Variants in CSNK2A2 observed in about 807,000 individuals in gnomAD.
CSNK2A2 encodes the protein casein kinase 2 alpha 2, also known as casein kinase II subunit alpha'.
A neutral mutation model predicts 54.0 loss-of-function variants in CSNK2A2; 8 were observed. That is an observed-to-expected ratio of 0.15 (90% CI 0.09 to 0.27). The LOEUF is 0.27. CSNK2A2 is among the 10% of genes least tolerant of loss of function. CSNK2A2 has a pLI of 1.00. For synonymous variants in CSNK2A2, 141 were observed against 153.9 expected, an observed-to-expected ratio of 0.92 and a Z score of 0.62; for missense variants, 242 against 439.4, an observed-to-expected ratio of 0.55 and a Z score of 4.02.
chr16:58,197,097 G>A lies in CSNK2A2; in HGVS notation c.105-253C>T. ...AGGCAACGCTCTGAGCCAATCCAGA[G>A]GGGCGAGCAAAGCACCCGTCCTGAA... is the stretch of plus-strand genomic sequence containing the variant. On this transcript the variant is annotated intron_variant, in intron 1 of 11. Coordinates refer to ENST00000262506, the MANE Select transcript of CSNK2A2 (RefSeq NM_001896.4). The surrounding 1 kb of genome is among the most constrained non-coding windows in gnomAD (Gnocchi z 4.0). 1 of 460,000 alleles carries A rather than the reference G, an allele frequency of 2.2e-6. No individual in the cohort carries two copies. Among genetic ancestry groups the A allele is most frequent in the Non-Finnish European group, 4.0e-6 (1 of 250,214 alleles). 28.5% of individuals were successfully genotyped at this position (460,000 alleles called of 1,614,324 possible).
At chr16:58,176,047 A>G (rs577487624) in intron 4 of CSNK2A2, among the ~76,000 whole-genome samples, 1 of 152,354 alleles carries the variant, frequency 6.6e-6, no homozygotes, top group East Asian at 1.9e-4. Flanking sequence ...GCACACTGAC[A>G]GCTTGAATGT....
chr16:58,196,872 G>T, intron 1 of CSNK2A2, 28 bp from the exon 2 acceptor site: 2 of 1,435,192 alleles, frequency 1.4e-6, no homozygotes, highest in Non-Finnish European at 2.0e-6. Flanking sequence ...ACACATAAAT[G>T]CCAGGACTGG....
chr16:58,178,765 C>A (rs1022814405), intron 4 of CSNK2A2, among the ~76,000 whole-genome samples: 3 of 152,100 alleles, frequency 2.0e-5, no homozygotes, highest in Non-Finnish European at 2.9e-5. Context: ...AATACCTCTA[C>A]CATAAAGTGA....
intron 4 of CSNK2A2, among the ~76,000 whole-genome samples, 182 bp downstream of exon 4, chr16:58,184,078 C>A (rs1288990644): frequency 6.6e-6 from 1 of 152,174 alleles, no homozygotes; most frequent in Admixed American, 6.5e-5. Context: ...TAAGTAATTT[C>A]ACCTAATGCA....
At chr16:58,159,924 A>G (rs943696600) in intron 11 of CSNK2A2, 3 of 152,246 alleles carry the variant, frequency 2.0e-5, no homozygotes, top group Non-Finnish European at 4.4e-5. Flanking sequence ...TTTTTAAAAA[A>G]CAATCCCCAA....
intron 2 of CSNK2A2, among the ~76,000 whole-genome samples, chr16:58,188,959 T>TG (rs947168405): frequency 2.0e-5 from 3 of 146,960 alleles, no homozygotes; most frequent in African/African-American, 7.5e-5. Context: ...AACTGGCTTT[T>TG]TTTTTTTTTT....
At position 58,184,268 on chromosome 16, in the gene CSNK2A2, C is replaced by G; in HGVS notation, c.361G>C (p.Asp121His). Residue 121 changes from aspartate (D) to histidine (H), a missense_variant, in exon 4 of 12, where the codon GAT becomes CAT. Around this residue, in one of 5 missense-constraint regions of CSNK2A2, gnomAD observed 69 missense variants for 97.0 expected, o/e 0.71. Transcript: ENST00000262506. ...AAGAAAAGCATACGCACCTTAAAAT[C>G]TGTATTATTGATATATTCAAATACC... ...ALVFEYINNTDFKQLYQILTD... is the reference protein window; with the variant it reads ...ALVFEYINNTHFKQLYQILTD... 3 of 1,602,716 alleles carry G rather than the reference C, an allele frequency of 1.9e-6. No homozygotes were observed. Among genetic ancestry groups the G allele is most frequent in the Non-Finnish European group, 1.7e-6 (2 of 1,172,662 alleles).
intron 4 of CSNK2A2, among the ~76,000 whole-genome samples, chr16:58,177,364 C>A (rs1413715270): frequency 6.6e-6 from 1 of 152,186 alleles, no homozygotes; most frequent in African/African-American, 2.4e-5. Context: ...GGCAGGAAGT[C>A]AGCTTTGGTT....
intron 4 of CSNK2A2, 41 bp downstream of exon 4, chr16:58,184,219 T>A: frequency 1.3e-6 from 2 of 1,511,372 alleles, no homozygotes; most frequent in Non-Finnish European, 1.8e-6. Flanking sequence ...CAGCTCCCCC[T>A]CACCCCGTTA....
intron 5 of CSNK2A2, 56 bp from the exon 6 acceptor site, chr16:58,168,749 G>A (rs539597583): frequency 1.2e-4 from 163 of 1,316,064 alleles, no homozygotes; most frequent in Admixed American, 4.0e-4. Flanking sequence ...ATCCCCCAAC[G>A]CAAGCATAGT....
At chr16:58,195,103 G>T (rs1179815863) in intron 2 of CSNK2A2, among the ~76,000 whole-genome samples, 1 of 151,438 alleles carries the variant, frequency 6.6e-6, no homozygotes, top group African/African-American at 2.4e-5. Flanking sequence ...TCTTAGATTT[G>T]AAGCAGCTTA....
In CSNK2A2 at chr16:58,188,955, C is replaced by CTT. The variant is rs57552824; in HGVS notation, c.217-2101_217-2100dup. On this transcript the variant is annotated intron_variant, in intron 2 of 11. Transcript: ENST00000262506. ...AAGTTAAAAGAAAAATAAAAACTGGCTTTTTTTTTTTTTTTTTTTGAGACG... is the reference window on the plus strand; with the variant it reads ...AAGTTAAAAGAAAAATAAAAACTGGCTTTTTTTTTTTTTTTTTTTTTGAGACG... Among the ~76,000 whole-genome samples the CTT allele has an allele frequency of 1.1e-3, 107 of 99,614 alleles. 2 individuals carry two copies. Among genetic ancestry groups the CTT allele is most frequent in the African/African-American group, 3.6e-3 (97 of 26,840 alleles). 65.4% of individuals were successfully genotyped at this position (99,614 alleles called of 152,430 possible).
chr16:58,175,619 A>C (rs1961857056), intron 4 of CSNK2A2, among the ~76,000 whole-genome samples: 1 of 152,254 alleles, frequency 6.6e-6, no homozygotes, highest in African/African-American at 2.4e-5. Flanking sequence ...ATACAGGGGA[A>C]TAAAAGAGAC....
At position 58,167,229 on chromosome 16, in the gene CSNK2A2, T is replaced by C. The variant is rs1158151383; in HGVS notation, c.704A>G (p.His235Arg). ...SMIFRREPFF[H>R]GQDNYDQLVR... The stretch of plus-strand genomic sequence containing the variant: ...CACCTGGTCATAGTTGTCCTGTCCA[T>C]GGAAGAATGGTTCCCTTCGAAAGAT... Residue 235 changes from histidine (H) to arginine (R), a missense_variant, in exon 8 of 12, where the codon CAT becomes CGT. Transcript: ENST00000262506. 1 of 1,613,546 alleles carries C rather than the reference T, an allele frequency of 6.2e-7. No homozygotes were observed. The highest frequency in any genetic ancestry group is 1.3e-5 in the African/African-American group (1 of 75,038).
rs969553226 is a variant in CSNK2A2 at position 58,197,433 on chromosome 16, A to T, written c.104+200T>A. ...TTCCTTGGGGGAAAGGGGTGCGCAA[A>T]GCGGGGAGAAAGGGACGAAACGGGG... On this transcript the variant is annotated intron_variant, in intron 1 of 11. Transcript: ENST00000262506. The surrounding 1 kb of genome is among the most constrained non-coding windows in gnomAD (Gnocchi z 4.0). 6.6e-6 allele frequency among the ~76,000 whole-genome samples: 1 copy of T among 152,196 alleles called. No homozygotes were observed. Among genetic ancestry groups the T allele is most frequent in the Non-Finnish European group, 1.5e-5 (1 of 68,042 alleles).
At position 58,184,226 on chromosome 16, in the gene CSNK2A2, G is replaced by A. The variant is rs73550606; in HGVS notation, c.369+34C>T. On this transcript the variant is annotated intron_variant, in intron 4 of 11. Transcript: ENST00000262506. ...TTTATCACCAGCTCCCCCTCACCCCGTTAACCCCATGCCAGAAAGAAAAGC... is the reference window on the plus strand; with the variant it reads ...TTTATCACCAGCTCCCCCTCACCCCATTAACCCCATGCCAGAAAGAAAAGC... 5.5e-4 allele frequency: 862 copies of A among 1,559,688 alleles called. 3 individuals carry two copies. In the African/African-American group the frequency reaches 9.8e-3, roughly 18 times the overall value.
intron 4 of CSNK2A2, among the ~76,000 whole-genome samples, chr16:58,180,312 G>A (rs1281423621): frequency 1.3e-5 from 2 of 149,366 alleles, no homozygotes; most frequent in Non-Finnish European, 3.0e-5. Flanking sequence ...TTAAAAAGGA[G>A]TAAAGGCACA....
At chr16:58,190,427 TAGA>T (rs1268765328) in intron 2 of CSNK2A2, among the ~76,000 whole-genome samples, 1 of 152,154 alleles carries the variant, frequency 6.6e-6, no homozygotes, top group Admixed American at 6.5e-5. Flanking sequence ...GCCAAGAATG[TAGA>T]AGGACAGAGT....
intron 4 of CSNK2A2, among the ~76,000 whole-genome samples, chr16:58,175,305 A>ACT (rs1567467681): frequency 1.3e-5 from 2 of 152,190 alleles, no homozygotes; most frequent in Non-Finnish European, 2.9e-5. Context: ...CTTGTCAGGA[A>ACT]CTCTCATTAT....
Sources: allele counts gnomAD v4.1 joint callset (sites outside exome capture counted in the v4.1 genomes callset), GRCh38; gene constraint gnomAD v4.1.1; regional missense constraint gnomAD v4.1.1; non-coding constraint Gnocchi (gnomAD v3.1); transcripts MANE v1.5; gene names NCBI Gene and HGNC (gene_info 2026-07-23, HGNC 2026-07-21).